The following SYNPR variants were observed in gnomAD, a reference collection of about 807,000 sequenced individuals.
SYNPR encodes synaptoporin.
SYNPR carries 23 observed loss-of-function variants against 32.9 expected under a neutral mutation model. The ratio of observed to expected loss-of-function variants is 0.70; its 90% CI spans 0.50 to 0.99. The LOEUF (loss-of-function observed/expected upper bound fraction) is 0.99, where lower values mean the gene tolerates loss of function less well. Among genes scored for constraint, SYNPR ranks in the 50% least tolerant of loss-of-function variants. The pLI is 0.00. For missense variants in SYNPR, 318 were observed against 349.3 expected (o/e 0.91, Z 0.71); for synonymous variants, 146 against 135.9 (o/e 1.07, Z -0.52).
At position 63,249,787 on chromosome 3, in the gene SYNPR, C is replaced by G. The variant is rs186501303; in HGVS notation, n.67-2712C>G. Among the ~76,000 whole-genome samples the G allele has an allele frequency of 3.3e-5, 5 of 152,220 alleles. No individual in the cohort carries two copies. In the East Asian group the frequency reaches 5.8e-4, roughly 18 times the overall value. On this transcript the variant is annotated intron_variant and non_coding_transcript_variant, in intron 1 of 4. Transcript: ENST00000478456. ...TATATACGTGTAATAAGGTAACATT[C>G]TGTAATGTCAGCTTTTTTATTTTTT...
intron 2 of SYNPR, among the ~76,000 whole-genome samples, chr3:63,454,954 A>G (rs1465493254): frequency 6.6e-6 from 1 of 152,182 alleles, no homozygotes; most frequent in Non-Finnish European, 1.5e-5. Context: ...TGTGGAAAAC[A>G]TATTAGGTTA....
At chr3:63,309,529 T>G (rs2086941449) in intron 2 of SYNPR, among the ~76,000 whole-genome samples, 1 of 152,068 alleles carries the variant, frequency 6.6e-6, no homozygotes, top group African/African-American at 2.4e-5. Flanking sequence ...TTACTTTTAA[T>G]ATTTGTTAAG....
chr3:63,591,831 T>C (rs1333923977), intron 4 of SYNPR, among the ~76,000 whole-genome samples: 1 of 128,590 alleles, frequency 7.8e-6, no homozygotes, highest in East Asian at 2.8e-4. Context: ...GGGGGAGGGA[T>C]AGCATTGGGA....
chr3:63,615,513 C>T lies in SYNPR; in HGVS notation c.*32C>T, dbSNP rs1355850600. The T allele has an allele frequency of 2.5e-6, 4 of 1,590,554 alleles. No homozygotes were observed. The highest frequency in any genetic ancestry group is 8.6e-7 in the Non-Finnish European group (1 of 1,167,700). On this transcript the variant is annotated 3_prime_UTR_variant, in exon 6 of 6. Coordinates refer to ENST00000478300, the MANE Select transcript of SYNPR (RefSeq NM_001130003.2). ...AGCATTTGCATTCTTCTGCAGTCGC[C>T]TCACCATCTTCCATTTCAGTGGCAG...
intron 2 of SYNPR, among the ~76,000 whole-genome samples, chr3:63,372,926 A>G (rs2087839196): frequency 6.6e-6 from 1 of 152,226 alleles, no homozygotes; most frequent in African/African-American, 2.4e-5. Flanking sequence ...CCAACTGGCC[A>G]TTTAGCTTAT....
the SYNPR span, among the ~76,000 whole-genome samples, chr3:63,201,081 A>G: frequency 6.6e-6 from 1 of 152,202 alleles, no homozygotes; most frequent in African/African-American, 2.4e-5. Flanking sequence ...CATAGAGCCA[A>G]AATTATCCTT....
intron 3 of SYNPR, among the ~76,000 whole-genome samples, chr3:63,527,761 T>C (rs1406826211): frequency 6.6e-6 from 1 of 152,170 alleles, no homozygotes; most frequent in African/African-American, 2.4e-5. Context: ...GTAATGAATG[T>C]CCTTTGCGTG....
At chr3:63,524,346 A>G (rs1387715851) in intron 3 of SYNPR, among the ~76,000 whole-genome samples, 1 of 152,188 alleles carries the variant, frequency 6.6e-6, no homozygotes, top group Non-Finnish European at 1.5e-5. Flanking sequence ...ATAAATAATA[A>G]GATTAAGAAG....
At chr3:63,311,718 T>C (rs1381348617) in intron 2 of SYNPR, among the ~76,000 whole-genome samples, 1 of 152,050 alleles carries the variant, frequency 6.6e-6, no homozygotes, top group Non-Finnish European at 1.5e-5. Flanking sequence ...TCTGTACATA[T>C]GTGTATATAT....
intron 3 of SYNPR, among the ~76,000 whole-genome samples, chr3:63,527,740 C>G (rs922313985): frequency 6.6e-6 from 1 of 152,176 alleles, no homozygotes; most frequent in Non-Finnish European, 1.5e-5. Flanking sequence ...AGCCCAGCAA[C>G]CCCCTGATGG....
chr3:63,473,007 T>C (rs1378825209), intron 2 of SYNPR, among the ~76,000 whole-genome samples: 4 of 152,074 alleles, frequency 2.6e-5, no homozygotes, highest in Non-Finnish European at 4.4e-5. Flanking sequence ...TGGTAGCCCA[T>C]ACCTGACATA....
At chr3:63,358,958 C>T (rs2087621385) in intron 2 of SYNPR, among the ~76,000 whole-genome samples, 2 of 152,184 alleles carry the variant, frequency 1.3e-5, no homozygotes, top group South Asian at 2.1e-4. Flanking sequence ...AAATCCTCTT[C>T]TTCCCTGAGT....
At chr3:63,287,310 T>G (rs964898950) in intron 2 of SYNPR, among the ~76,000 whole-genome samples, 9 of 152,176 alleles carry the variant, frequency 5.9e-5, no homozygotes, top group African/African-American at 1.9e-4. Context: ...CCACTTCCAC[T>G]GCCCAGAATG....
At chr3:63,218,217 A>G in the SYNPR span, among the ~76,000 whole-genome samples, 1 of 152,242 alleles carries the variant, frequency 6.6e-6, no homozygotes, top group Non-Finnish European at 1.5e-5. Context: ...AGCAAATACT[A>G]GAAATGAAAA....
At chr3:63,413,799 G>C (rs1303430910) in intron 2 of SYNPR, among the ~76,000 whole-genome samples, 18 of 152,182 alleles carry the variant, frequency 1.2e-4, no homozygotes, top group East Asian at 3.9e-4. Context: ...CTTACCAACT[G>C]TTTTCCATGC....
chr3:63,498,418 AG>A (rs1182402371), intron 3 of SYNPR, among the ~76,000 whole-genome samples: 2 of 152,086 alleles, frequency 1.3e-5, no homozygotes, highest in East Asian at 3.9e-4. Context: ...GAAGGAAGGG[AG>A]AAAATAAACA....
At chr3:63,329,027 T>C (rs114401471) in intron 2 of SYNPR, among the ~76,000 whole-genome samples, 345 of 152,188 alleles carry the variant, frequency 2.3e-3, no homozygotes, top group African/African-American at 7.6e-3. Context: ...GTTCTAAAAA[T>C]AGGAGCAGTC....
At position 63,536,025 on chromosome 3, in the gene SYNPR, G is replaced by A. The variant is rs142180055; in HGVS notation, c.210-20518G>A. Reference sequence around the variant, plus strand: ...TCATGCCTGTAACCCCAGCACTTTGGGAGGCTGAGATGGGAGAATCACTTG... The same window carrying A: ...TCATGCCTGTAACCCCAGCACTTTGAGAGGCTGAGATGGGAGAATCACTTG... On this transcript the variant is annotated intron_variant, in intron 3 of 5. Transcript: ENST00000478300. Among the ~76,000 whole-genome samples, 1,435 of 152,082 alleles carry A rather than the reference G, an allele frequency of 9.4e-3. 21 individuals are homozygous for A. Among genetic ancestry groups the A allele is most frequent in the African/African-American group, 0.033 (1,381 of 41,512 alleles).
At chr3:63,507,903 A>T (rs182090409) in intron 3 of SYNPR, among the ~76,000 whole-genome samples, 1 of 152,252 alleles carries the variant, frequency 6.6e-6, no homozygotes, top group African/African-American at 2.4e-5. Context: ...TATAAGTCAC[A>T]GGTATAATTT....
Sources: gnomAD v4.1 joint callset for allele counts (sites outside exome capture counted in the v4.1 genomes callset) on GRCh38, gnomAD v4.1.1 for gene constraint, MANE v1.5 for transcripts, NCBI Gene and HGNC (gene_info 2026-07-23, HGNC 2026-07-21) for gene names.